SRPK2: variants seen among roughly 807,000 people sequenced by gnomAD.
The protein encoded by SRPK2 is SFRS protein kinase 2.
In SRPK2, 21 loss-of-function variants were observed where a neutral mutation model predicts 90.8. The observed-to-expected ratio is 0.23, with a 90% CI of 0.16 to 0.33. SRPK2 has a LOEUF of 0.33. Among genes scored for constraint, SRPK2 ranks in the 10% least tolerant of loss-of-function variants. The pLI is 1.00. For missense variants in SRPK2, 620 were observed against 869.0 expected, an observed-to-expected ratio of 0.71 and a Z score of 3.60; for synonymous variants, 288 against 311.1, an observed-to-expected ratio of 0.93 and a Z score of 0.78.
At chr7:105,146,785 T>TA in intron 7 of SRPK2, 127 bp from the exon 8 acceptor site, 1 of 1,004,680 alleles carries the variant, frequency 1.0e-6, no homozygotes, top group Non-Finnish European at 1.4e-6. Flanking sequence ...GGATATTTAG[T>TA]AAAAATCTCC....
At chr7:105,218,991 G>A (rs1797784156) in intron 2 of SRPK2, among the ~76,000 whole-genome samples, 1 of 151,938 alleles carries the variant, frequency 6.6e-6, no homozygotes, top group Non-Finnish European at 1.5e-5. Context: ...AAGAACATAA[G>A]CAGCTATAAG....
In SRPK2 at chr7:105,218,950, T is replaced by A. The variant is rs898877883; in HGVS notation, c.72-15165A>T. Among the ~76,000 whole-genome samples, 4 of 150,700 alleles carry A rather than the reference T, an allele frequency of 2.7e-5. No individual in the cohort carries two copies. The East Asian group carries it at 6.0e-4, about 23-fold the overall frequency. On this transcript the variant is annotated intron_variant, in intron 2 of 15. Coordinates refer to ENST00000393651, the MANE Select transcript of SRPK2 (RefSeq NM_182692.3). ...AATTCAACAATTTTTTTTAAAAAAA[T>A]AATGAGAATAGAGAAGAGATGACAA...
chr7:105,232,702 AAAC>A (rs906889817), intron 2 of SRPK2, among the ~76,000 whole-genome samples: 12 of 70,106 alleles, frequency 1.7e-4, no homozygotes, highest in African/African-American at 5.9e-4. Flanking sequence ...CCATTAAAAA[AAAC>A]AACAATAATA....
chr7:105,175,668 T>G (rs919600226), intron 3 of SRPK2, among the ~76,000 whole-genome samples: 1 of 152,134 alleles, frequency 6.6e-6, no homozygotes, highest in African/African-American at 2.4e-5. Context: ...ATTACCATCA[T>G]GAGCAATGAG....
chr7:105,296,599 ATGGAAGTCCAC>A (rs1178915791), intron 2 of SRPK2, among the ~76,000 whole-genome samples: 1 of 152,236 alleles, frequency 6.6e-6, no homozygotes, highest in Non-Finnish European at 1.5e-5. Flanking sequence ...AGAAAATACA[ATGGAAGTCCAC>A]TGGCTTTACA....
intron 2 of SRPK2, among the ~76,000 whole-genome samples, chr7:105,314,535 C>T (rs968876799): frequency 6.6e-6 from 1 of 151,978 alleles, no homozygotes; most frequent in African/African-American, 2.4e-5. Flanking sequence ...AGGTGTGCAC[C>T]ATCACGCCCG....
intron 13 of SRPK2, among the ~76,000 whole-genome samples, chr7:105,131,894 G>A (rs576986871): frequency 2.6e-5 from 4 of 152,206 alleles, no homozygotes; most frequent in East Asian, 3.9e-4. Flanking sequence ...TTCCCAACAC[G>A]GAACGCCTAA....
At chr7:105,201,294 G>A (rs997912682) in intron 3 of SRPK2, among the ~76,000 whole-genome samples, 14 of 151,226 alleles carry the variant, frequency 9.3e-5, no homozygotes, top group Non-Finnish European at 2.9e-5. Context: ...TACCAAATTT[G>A]GGGGGGGCTG....
At chr7:105,217,077 G>A (rs150783535) in intron 2 of SRPK2, among the ~76,000 whole-genome samples, 1 of 152,284 alleles carries the variant, frequency 6.6e-6, no homozygotes, top group Non-Finnish European at 1.5e-5. Context: ...CATTACGCAC[G>A]ATACTGCTAC....
upstream of SRPK2, among the ~76,000 whole-genome samples, chr7:105,391,190 T>G (rs543041586): frequency 3.3e-5 from 5 of 149,854 alleles, no homozygotes; most frequent in Non-Finnish European, 7.4e-5. Flanking sequence ...TAAAATTTAT[T>G]TATTTATTTA....
At chr7:105,389,263 C>G (rs376019000), upstream of SRPK2, 28 of 1,268,750 alleles carry the variant, frequency 2.2e-5, no homozygotes, top group East Asian at 8.2e-4. Context: ...TCGCGCCGCC[C>G]GCTGCTCCAT....
At chr7:105,168,143 G>A (rs1406558149) in intron 4 of SRPK2, 48 bp from the exon 5 acceptor site, 3 of 1,449,820 alleles carry the variant, frequency 2.1e-6, no homozygotes, top group Non-Finnish European at 2.8e-6. Flanking sequence ...ATTATCAGTA[G>A]AAAGAATCAC....
At position 105,279,042 on chromosome 7, in the gene SRPK2, G is replaced by GATGAAGTCC. The variant is rs1451158875; in HGVS notation, c.72-75266_72-75258dup. 3.9e-5 allele frequency among the ~76,000 whole-genome samples: 6 copies of GATGAAGTCC among 152,058 alleles called. No individual in the cohort carries two copies. The East Asian group carries it at 9.7e-4, about 24-fold the overall frequency. The stretch of plus-strand genomic sequence containing the variant: ...TTCAGATTGTGATTTCATTTTTCAA[G>GATGAAGTCC]ATGAAGTCCCAGTTCCACCCCCTTC... On this transcript the variant is annotated intron_variant, in intron 2 of 15. Transcript: ENST00000393651.
At chr7:105,145,212 A>C in intron 9 of SRPK2, 71 bp downstream of exon 9, 4 of 1,267,694 alleles carry the variant, frequency 3.2e-6, no homozygotes, top group Middle Eastern at 2.3e-4. Flanking sequence ...CTTTTTTATA[A>C]TTTGAACAAC....
chr7:105,204,498 G>A (rs559936485), intron 2 of SRPK2: 142 of 357,622 alleles, frequency 4.0e-4, no homozygotes, highest in Non-Finnish European at 6.9e-4. Flanking sequence ...ATGCCCCAGT[G>A]CGGGGAAATA....
chr7:105,306,631 T>C, intron 2 of SRPK2: 2 of 381,430 alleles, frequency 5.2e-6, no homozygotes, highest in Admixed American at 4.0e-5. Context: ...TATCCTCTCG[T>C]TGGCAAGATG....
intron 3 of SRPK2, among the ~76,000 whole-genome samples, chr7:105,200,451 A>G (rs897617799): frequency 4.6e-5 from 7 of 151,712 alleles, no homozygotes; most frequent in Admixed American, 6.5e-5. Flanking sequence ...CCCACTGAAT[A>G]AAACAGAGAT....
At chr7:105,252,052 T>C (rs1802550488) in intron 2 of SRPK2, among the ~76,000 whole-genome samples, 1 of 152,236 alleles carries the variant, frequency 6.6e-6, no homozygotes, top group African/African-American at 2.4e-5. Flanking sequence ...AACTGTTTTA[T>C]GTTAGTAGAA....
chr7:105,257,279 T>G (rs1156465298), intron 2 of SRPK2, among the ~76,000 whole-genome samples: 1 of 152,202 alleles, frequency 6.6e-6, no homozygotes, highest in African/African-American at 2.4e-5. Context: ...ACAAAAGGAA[T>G]CTGCACTATG....
Sources: gnomAD v4.1 joint callset for allele counts (sites outside exome capture counted in the v4.1 genomes callset) on GRCh38, gnomAD v4.1.1 for gene constraint, MANE v1.5 for transcripts, NCBI Gene and HGNC (gene_info 2026-07-23, HGNC 2026-07-21) for gene names.